The following BMPER variants were observed in gnomAD, a reference collection of about 807,000 sequenced individuals.
The protein encoded by BMPER is BMP binding endothelial regulator.
Under a neutral mutation model 87.3 loss-of-function variants are expected in BMPER, and 45 were observed. That is an observed-to-expected ratio of 0.52 (90% confidence interval 0.41 to 0.66). The LOEUF (loss-of-function observed/expected upper bound fraction) is 0.66. BMPER is among the 30% of genes least tolerant of loss of function. BMPER has a pLI of 0.00. For missense variants in BMPER, 784 were observed against 867.5 expected (o/e 0.90, Z 1.21); for synonymous variants, 326 against 316.2 (o/e 1.03, Z -0.33).
intron 4 of BMPER, among the ~76,000 whole-genome samples, chr7:33,969,963 A>G (rs1785497593): frequency 6.6e-6 from 1 of 152,248 alleles, no homozygotes; most frequent in African/African-American, 2.4e-5. Context: ...ATGAATAACA[A>G]TGATAGAAAG....
chr7:34,135,961 A>G (rs1362429303), intron 13 of BMPER, among the ~76,000 whole-genome samples: 1 of 152,164 alleles, frequency 6.6e-6, no homozygotes, highest in Non-Finnish European at 1.5e-5. Flanking sequence ...CGTTCCAGGT[A>G]TCCTCCTGCC....
At chr7:33,949,588 C>G (rs370248920) in intron 3 of BMPER, among the ~76,000 whole-genome samples, 1 of 151,480 alleles carries the variant, frequency 6.6e-6, no homozygotes, top group African/African-American at 2.4e-5. Flanking sequence ...CTACTCACTT[C>G]TAGTGCCACT....
At chr7:34,062,688 T>C (rs1233629090) in intron 11 of BMPER, among the ~76,000 whole-genome samples, 1 of 152,232 alleles carries the variant, frequency 6.6e-6, no homozygotes, top group Non-Finnish European at 1.5e-5. Flanking sequence ...TATAACCTAC[T>C]GCACACCTAG....
chr7:34,002,684 A>G (rs1786613466), intron 6 of BMPER, among the ~76,000 whole-genome samples: 1 of 151,704 alleles, frequency 6.6e-6, no homozygotes, highest in Non-Finnish European at 1.5e-5. Context: ...TGCTTCATAT[A>G]TGTTAGGCCT....
intron 6 of BMPER, among the ~76,000 whole-genome samples, chr7:34,006,767 G>T (rs898085969): frequency 1.3e-5 from 2 of 151,598 alleles, no homozygotes; most frequent in Admixed American, 1.3e-4. Context: ...TCTTTGCGAT[G>T]CAATTTGAGA....
Position 34,120,015 on chromosome 7 carries a change from A to C in BMPER, c.1746-23215A>C, listed in dbSNP as rs183179640. Among the ~76,000 whole-genome samples the C allele has an allele frequency of 1.6e-4, 24 of 152,338 alleles. No individual in the cohort carries two copies. The East Asian group carries it at 3.3e-3, about 21-fold the overall frequency. ...CTAGGAAAATATTATAATCATGTAC[A>C]TGCCCATTCCCAATAACATTGACTT... On this transcript the variant is annotated intron_variant, in intron 13 of 14. Coordinates refer to ENST00000649409, the MANE Select transcript of BMPER (RefSeq NM_001365308.1).
At chr7:33,947,927 T>TA (rs1233861306) in intron 3 of BMPER, among the ~76,000 whole-genome samples, 2 of 152,102 alleles carry the variant, frequency 1.3e-5, no homozygotes, top group East Asian at 1.9e-4. Context: ...AACAAACATT[T>TA]AAAAAAACTC....
At chr7:33,931,393 TTG>T (rs1784478751) in intron 2 of BMPER, among the ~76,000 whole-genome samples, 1 of 152,192 alleles carries the variant, frequency 6.6e-6, no homozygotes, top group Admixed American at 6.5e-5. Context: ...GACAGCCTCA[TTG>T]TGTGCCATTT....
intron 6 of BMPER, among the ~76,000 whole-genome samples, chr7:33,998,426 A>C (rs1357341665): frequency 6.6e-6 from 1 of 152,124 alleles, no homozygotes; most frequent in Non-Finnish European, 1.5e-5. Context: ...GTTTGCTTTT[A>C]AATTGTGACT....
At chr7:34,137,885 G>A (rs193162309) in intron 13 of BMPER, among the ~76,000 whole-genome samples, 1 of 152,230 alleles carries the variant, frequency 6.6e-6, no homozygotes, top group Non-Finnish European at 1.5e-5. Context: ...TTTTTTGTAG[G>A]TGCCCAATCA....
intron 10 of BMPER, among the ~76,000 whole-genome samples, chr7:34,059,403 TG>T (rs893596951): frequency 2.6e-5 from 4 of 151,238 alleles, no homozygotes; most frequent in African/African-American, 4.9e-5. Flanking sequence ...GAGGGGATGG[TG>T]GGGGGAGGTC....
chr7:33,940,240 T>G (rs547455507), intron 3 of BMPER, among the ~76,000 whole-genome samples: 5 of 152,346 alleles, frequency 3.3e-5, no homozygotes, highest in Admixed American at 3.3e-4. Context: ...TTTTTCCTAC[T>G]TAACATTAGG....
intron 6 of BMPER, among the ~76,000 whole-genome samples, chr7:33,993,891 A>G (rs1010477646): frequency 1.1e-4 from 17 of 152,178 alleles, no homozygotes; most frequent in African/African-American, 4.1e-4. Flanking sequence ...GTGAGGTGTC[A>G]GTGTGCCCCT....
chr7:34,129,577 GGAGAGAGA>G (rs759886152), intron 13 of BMPER, among the ~76,000 whole-genome samples: 3 of 47,758 alleles, frequency 6.3e-5, no homozygotes, highest in South Asian at 1.2e-3. Context: ...AAGGAAGGAA[GGAGAGAGA>G]GAGAGAGAGA....
At position 33,905,596 on chromosome 7, in the gene BMPER, G is replaced by T. The variant is rs1442126607; in HGVS notation, c.-18G>T. Reference sequence around the variant, plus strand: ...CGGCGCGGGACCTGCAGTCGCCAGGGATTCCCTCCAGGTGACGATGCTCTG... The same window carrying T: ...CGGCGCGGGACCTGCAGTCGCCAGGTATTCCCTCCAGGTGACGATGCTCTG... On this transcript the variant is annotated 5_prime_UTR_variant, in exon 1 of 15. Transcript: ENST00000649409. 6.2e-7 allele frequency: 1 copy of T among 1,611,138 alleles called. No homozygotes were observed. Among genetic ancestry groups the T allele is most frequent in the South Asian group, 1.1e-5 (1 of 90,984 alleles).
At chr7:34,030,482 T>C (rs914855651) in intron 6 of BMPER, among the ~76,000 whole-genome samples, 5 of 152,172 alleles carry the variant, frequency 3.3e-5, no homozygotes, top group Non-Finnish European at 7.4e-5. Context: ...TGAAGGAACC[T>C]ATTTAACTTT....
intron 13 of BMPER, among the ~76,000 whole-genome samples, chr7:34,087,824 T>C (rs561262767): frequency 2.6e-4 from 40 of 152,346 alleles, no homozygotes; most frequent in African/African-American, 9.6e-4. Flanking sequence ...TTCAAAGGGA[T>C]GTATTGAAAA....
intron 7 of BMPER, among the ~76,000 whole-genome samples, chr7:34,046,926 A>ATT (rs5883443): frequency 0.057 from 8,278 of 146,336 alleles, 397 homozygotes; most frequent in African/African-American, 0.13. Context: ...TAGGCACTTT[A>ATT]TTTTTTTTTT....
In BMPER at chr7:33,932,385, C is replaced by G. The variant is rs80226421; in HGVS notation, c.220-4904C>G. Among the ~76,000 whole-genome samples, 1,748 of 152,354 alleles carry G rather than the reference C, an allele frequency of 0.011. 66 individuals are homozygous for G. The East Asian group carries it at 0.13, about 11-fold the overall frequency. On this transcript the variant is annotated intron_variant, in intron 2 of 14. Coordinates refer to ENST00000649409, the MANE Select transcript of BMPER (RefSeq NM_001365308.1). ...GGCAGAAAAAAATACCACAACCTCA[C>G]AGCCTTCTTAGTTTCCTGAAAAAAG... is the stretch of plus-strand genomic sequence containing the variant.
Sources: gnomAD v4.1 joint callset for allele counts (sites outside exome capture counted in the v4.1 genomes callset) on GRCh38, gnomAD v4.1.1 for gene constraint, MANE v1.5 for transcripts, NCBI Gene and HGNC (gene_info 2026-07-23, HGNC 2026-07-21) for gene names.